ATP8A2: variants seen among roughly 807,000 people sequenced by gnomAD.
ATP8A2 encodes phospholipid-transporting ATPase IB.
ATP8A2 carries 100 observed loss-of-function variants against 165.6 expected under a neutral mutation model. That is an observed-to-expected ratio of 0.60 (90% CI 0.51 to 0.71). The LOEUF (loss-of-function observed/expected upper bound fraction) is 0.71, where lower values mean the gene tolerates loss of function less well. ATP8A2 is among the 30% of genes least tolerant of loss of function. ATP8A2 has a pLI of 0.00. For synonymous variants in ATP8A2, 543 were observed against 548.8 expected (o/e 0.99, Z 0.15); for missense variants, 1,227 against 1,479.5 (o/e 0.83, Z 2.80).
chr13:25,769,868 C>T (rs2044581012), intron 26 of ATP8A2, among the ~76,000 whole-genome samples: 2 of 152,200 alleles, frequency 1.3e-5, no homozygotes, highest in African/African-American at 4.8e-5. Context: ...TGATCCGAGC[C>T]TCGCATGCCA....
chr13:25,971,672 TCAGCTCGTGTGTCGGATGTGC>T (rs1955916114), intron 35 of ATP8A2, among the ~76,000 whole-genome samples: 1 of 152,056 alleles, frequency 6.6e-6, no homozygotes, highest in African/African-American at 2.4e-5. Flanking sequence ...TGCCTGTGTG[TCAGCTCGTGTGTCGGATGTGC>T]ACAAAGTGGC....
chr13:25,868,062 T>C (rs1952565309), intron 33 of ATP8A2: 1 of 454,056 alleles, frequency 2.2e-6, no homozygotes, highest in Admixed American at 2.4e-5. Flanking sequence ...TGCCCGGCCT[T>C]GTGGGTAGCC....
At position 25,422,624 on chromosome 13, in the gene ATP8A2, A is replaced by G. The variant is rs79075702; in HGVS notation, c.77-46353A>G. Among the ~76,000 whole-genome samples the G allele has an allele frequency of 8.8e-3, 1,336 of 152,350 alleles. 9 individuals carry two copies. The highest frequency in any genetic ancestry group is 0.013 in the Non-Finnish European group (908 of 68,034). On this transcript the variant is annotated intron_variant, in intron 1 of 36. Coordinates refer to ENST00000381655, the MANE Select transcript of ATP8A2 (RefSeq NM_016529.6). ...TTGACCTTCACACGAGTCAGCCTAC[A>G]TAACACACACAGAGAGGCTCTTTAC...
intron 33 of ATP8A2, among the ~76,000 whole-genome samples, chr13:25,888,966 T>G (rs374610811): frequency 7.9e-5 from 12 of 152,154 alleles, no homozygotes; most frequent in African/African-American, 2.9e-4. Context: ...ATTTCTGAAG[T>G]TCTCTTCTCT....
intron 35 of ATP8A2, among the ~76,000 whole-genome samples, chr13:26,006,335 A>G (rs1235547411): frequency 6.6e-6 from 1 of 151,956 alleles, no homozygotes; most frequent in Non-Finnish European, 1.5e-5. Flanking sequence ...ATATTTGTAT[A>G]CTACTGATTT....
At chr13:25,424,944 G>A (rs9511800) in intron 1 of ATP8A2, among the ~76,000 whole-genome samples, 60,254 of 151,806 alleles carry the variant, frequency 0.4, 13,445 homozygotes, top group East Asian at 0.59. Context: ...GGCGACAAGA[G>A]CAAAACTTGG....
Position 25,411,638 on chromosome 13 carries a change from T to C in ATP8A2, c.76+39350T>C, listed in dbSNP as rs534885415. 3.3e-5 allele frequency among the ~76,000 whole-genome samples: 5 copies of C among 152,290 alleles called. No individual in the cohort carries two copies. In the South Asian group the frequency reaches 8.3e-4, roughly 25 times the overall value. On this transcript the variant is annotated intron_variant, in intron 1 of 36. Transcript: ENST00000381655. ...TGGGAAGATGCTCAGAATGTATTGT[T>C]TTAAAAAAATACTGCATAATTCCAT...
chr13:25,878,232 C>T (rs544343218), intron 33 of ATP8A2, among the ~76,000 whole-genome samples: 42 of 152,192 alleles, frequency 2.8e-4, no homozygotes, highest in African/African-American at 7.7e-4. Context: ...CAGTTAGGCT[C>T]CTTCAGACAA....
chr13:25,648,797 A>T (rs1423295058), intron 24 of ATP8A2, among the ~76,000 whole-genome samples: 1 of 152,182 alleles, frequency 6.6e-6, no homozygotes, highest in Non-Finnish European at 1.5e-5. Context: ...AATACTTGTT[A>T]TATTGTATTT....
chr13:25,578,764 T>TGGAAGGTTTAC (rs1472304304), intron 20 of ATP8A2, 51 bp from the exon 21 acceptor site: 1 of 1,041,396 alleles, frequency 9.6e-7, no homozygotes, highest in South Asian at 1.3e-5. Flanking sequence ...GTATGCTGGC[T>TGGAAGGTTTAC]GGAAGGTTTA....
At chr13:25,610,995 T>C (rs1183863545) in intron 24 of ATP8A2, among the ~76,000 whole-genome samples, 1 of 152,030 alleles carries the variant, frequency 6.6e-6, no homozygotes, top group East Asian at 1.9e-4. Flanking sequence ...ACATTAATTT[T>C]GTATCCTGAA....
chr13:25,399,589 A>G (rs2033558720), intron 1 of ATP8A2, among the ~76,000 whole-genome samples: 1 of 112,198 alleles, frequency 8.9e-6, no homozygotes, highest in Admixed American at 9.8e-5. Context: ...TTTTTAGTAG[A>G]GACGGGGTTT....
intron 1 of ATP8A2, among the ~76,000 whole-genome samples, chr13:25,413,278 G>GTTTTTTTTTTTTTTTTTTTTTTTTTCTTT (rs1195456593): frequency 9.5e-6 from 1 of 105,262 alleles, no homozygotes; most frequent in Non-Finnish European, 1.9e-5. Context: ...CTTTTTCTTT[G>GTTTTTTTTTTTTTTTTTTTTTTTTTCTTT]TTTTTTTTTT....
chr13:25,887,756 C>G (rs1019841559), intron 33 of ATP8A2, among the ~76,000 whole-genome samples: 1 of 152,216 alleles, frequency 6.6e-6, no homozygotes, highest in African/African-American at 2.4e-5. Context: ...TACATCCACC[C>G]TGTGAGCCAT....
In ATP8A2 at chr13:26,024,532, A is replaced by G. The variant is rs1477700732; in HGVS notation, c.*4547A>G. 1.3e-5 allele frequency: 2 copies of G among 152,310 alleles called. No homozygotes were observed. The highest frequency in any genetic ancestry group is 2.9e-5 in the Non-Finnish European group (2 of 68,092). 9.4% of individuals were successfully genotyped at this position (152,310 alleles called of 1,614,324 possible). A position where few individuals can be genotyped will look rare whatever the true frequency, so the allele number is the denominator to read the frequency against. ...CTGAATGGGCAGAAGCCACAAACAAATGGGAGCAGAAAAGAAGGGCGAGCT... is the reference window on the plus strand; with the variant it reads ...CTGAATGGGCAGAAGCCACAAACAAGTGGGAGCAGAAAAGAAGGGCGAGCT... On this transcript the variant is annotated 3_prime_UTR_variant, in exon 37 of 37. Coordinates refer to ENST00000381655, the MANE Select transcript of ATP8A2 (RefSeq NM_016529.6).
chr13:25,814,835 G>A (rs1267065004), intron 27 of ATP8A2, among the ~76,000 whole-genome samples: 3 of 152,102 alleles, frequency 2.0e-5, no homozygotes, highest in African/African-American at 7.2e-5. Context: ...GGGCAACGTG[G>A]TGAAATCCCA....
chr13:25,540,356 C>A lies in ATP8A2; in HGVS notation c.619C>A (p.Leu207Met). The A allele has an allele frequency of 6.2e-7, 1 of 1,613,974 alleles. No homozygotes were observed. Among genetic ancestry groups the A allele is most frequent in the Non-Finnish European group, 8.5e-7 (1 of 1,179,884 alleles). The change falls in exon 8 of 37, where the codon CTG becomes ATG. Residue 207 changes from leucine (L) to methionine (M), a missense_variant. Physicochemically the swap from Leu to Met is conservative, Grantham distance 15. Around this residue, in one of 5 missense-constraint regions of ATP8A2, gnomAD observed 356 missense variants for 394.9 expected, o/e 0.90. Coordinates refer to ENST00000381655, the MANE Select transcript of ATP8A2 (RefSeq NM_016529.6). ...AATGTGTTATGTTGAAACAGCTAAT[C>A]TGGATGGGGAGACGAACCTTAAAAT... Reference protein sequence around the residue: ...QAMCYVETANLDGETNLKIRQ... With the variant: ...QAMCYVETANMDGETNLKIRQ...
At chr13:25,773,546 A>C (rs1162484201) in intron 26 of ATP8A2, among the ~76,000 whole-genome samples, 1 of 152,096 alleles carries the variant, frequency 6.6e-6, no homozygotes, top group Non-Finnish European at 1.5e-5. Context: ...TATGGCTCCA[A>C]CTCAAACCAC....
At chr13:25,456,629 C>T (rs79947497) in intron 1 of ATP8A2, among the ~76,000 whole-genome samples, 59 of 152,272 alleles carry the variant, frequency 3.9e-4, no homozygotes, top group Middle Eastern at 6.8e-3. Flanking sequence ...AGAGAACCGT[C>T]GGAGAGGAAG....
Sources: gnomAD v4.1 joint callset for allele counts (sites outside exome capture counted in the v4.1 genomes callset) on GRCh38, gnomAD v4.1.1 for gene constraint, gnomAD v4.1.1 regional missense constraint, MANE v1.5 for transcripts, NCBI Gene and HGNC (gene_info 2026-07-23, HGNC 2026-07-21) for gene names.